ADAMTSL1: variants seen among roughly 807,000 people sequenced by gnomAD.
ADAMTSL1 encodes ADAMTS-like protein 1.
A neutral mutation model predicts 201.8 loss-of-function variants in ADAMTSL1; 126 were observed. That is an observed-to-expected ratio of 0.62 (90% confidence interval 0.54 to 0.72). ADAMTSL1 has a LOEUF of 0.72. Among genes scored for constraint, ADAMTSL1 ranks in the 30% least tolerant of loss-of-function variants. ADAMTSL1 has a pLI of 0.00. For synonymous variants in ADAMTSL1, 1,121 were observed against 903.4 expected (o/e 1.24, Z -4.32); for missense variants, 2,679 against 2,277.8 (o/e 1.18, Z -3.59).
In ADAMTSL1 at chr9:18,826,918, T is replaced by C. The variant is rs939990948; in HGVS notation, c.4114+455T>C. ...TTTTCATATAATTCCAGGAAGCTTATGGTCTGGTCCATCTAAAGTCTCCAC... is the reference window on the plus strand; with the variant it reads ...TTTTCATATAATTCCAGGAAGCTTACGGTCTGGTCCATCTAAAGTCTCCAC... On this transcript the variant is annotated intron_variant, in intron 22 of 28. Coordinates refer to ENST00000380548, the MANE Select transcript of ADAMTSL1 (RefSeq NM_001040272.6). Among the ~76,000 whole-genome samples the C allele has an allele frequency of 5.3e-5, 8 of 152,336 alleles. No homozygotes were observed. In the East Asian group the frequency reaches 7.7e-4, roughly 15 times the overall value.
intron 13 of ADAMTSL1, 43 bp from the exon 14 acceptor site, chr9:18,706,704 T>C (rs904643393): frequency 2.6e-6 from 4 of 1,528,564 alleles, no homozygotes; most frequent in African/African-American, 2.7e-5. Context: ...GCTTCCTGCC[T>C]GGGGCTTCTC....
At chr9:18,639,213 A>G (rs749852775) in intron 6 of ADAMTSL1, 41 bp from the exon 7 acceptor site, 206 of 1,605,798 alleles carry the variant, frequency 1.3e-4, no homozygotes, top group Non-Finnish European at 1.6e-4. Context: ...TGGTTGCCCT[A>G]GGAACATCTT....
intron 23 of ADAMTSL1, 54 bp from the exon 24 acceptor site, chr9:18,887,777 G>C (rs1828989279): frequency 1.3e-6 from 2 of 1,486,246 alleles, no homozygotes; most frequent in Non-Finnish European, 1.9e-6. Context: ...CAGTGCACCA[G>C]CAATGTGTTC....
chr9:18,087,888 G>C (rs1023083636), intron 1 of ADAMTSL1, among the ~76,000 whole-genome samples: 2 of 152,100 alleles, frequency 1.3e-5, no homozygotes, highest in African/African-American at 4.8e-5. Context: ...ATAGAAAGCA[G>C]TTGCCTATCT....
chr9:18,116,320 T>A (rs1256518338), intron 1 of ADAMTSL1, among the ~76,000 whole-genome samples: 2 of 152,184 alleles, frequency 1.3e-5, no homozygotes, highest in East Asian at 3.9e-4. Flanking sequence ...AAAGTCAGGA[T>A]GTGTAAGCAA....
intron 3 of ADAMTSL1, among the ~76,000 whole-genome samples, chr9:18,544,733 A>C (rs11791689): frequency 6.6e-6 from 1 of 152,314 alleles, no homozygotes; most frequent in Admixed American, 6.5e-5. Flanking sequence ...CTCAGTATGA[A>C]TAGGAATGCC....
intron 2 of ADAMTSL1, among the ~76,000 whole-genome samples, chr9:18,229,159 G>A (rs17788716): frequency 0.033 from 4,964 of 152,222 alleles, 120 homozygotes; most frequent in Non-Finnish European, 0.053. Context: ...TATTTTAGGA[G>A]GAGGTGAGCA....
At chr9:18,034,741 A>G (rs966758029) in intron 1 of ADAMTSL1, among the ~76,000 whole-genome samples, 17 of 152,186 alleles carry the variant, frequency 1.1e-4, no homozygotes, top group African/African-American at 3.4e-4. Context: ...AACTTGAACT[A>G]CTGCTACCAA....
intron 1 of ADAMTSL1, among the ~76,000 whole-genome samples, chr9:17,922,976 G>A (rs1171453943): frequency 6.6e-6 from 1 of 152,112 alleles, no homozygotes; most frequent in African/African-American, 2.4e-5. Context: ...CAGCTTCTGT[G>A]TGTTTTTTCT....
intron 2 of ADAMTSL1, among the ~76,000 whole-genome samples, chr9:18,260,198 G>A (rs1195206536): frequency 1.3e-5 from 2 of 152,162 alleles, no homozygotes; most frequent in Non-Finnish European, 2.9e-5. Flanking sequence ...TAAAAATGGG[G>A]ACTGGCCAAT....
chr9:18,294,688 G>A (rs1833404159), intron 2 of ADAMTSL1, among the ~76,000 whole-genome samples: 1 of 152,138 alleles, frequency 6.6e-6, no homozygotes, highest in Admixed American at 6.5e-5. Context: ...TCCAGAGGGG[G>A]CTCTGAACTG....
At chr9:18,106,976 C>G (rs1396514850) in intron 1 of ADAMTSL1, among the ~76,000 whole-genome samples, 1 of 152,138 alleles carries the variant, frequency 6.6e-6, no homozygotes, top group South Asian at 2.1e-4. Context: ...TATTGACTAA[C>G]AAAAATAGAC....
chr9:17,950,423 T>C (rs763183447), intron 1 of ADAMTSL1, among the ~76,000 whole-genome samples: 7 of 152,006 alleles, frequency 4.6e-5, no homozygotes, highest in African/African-American at 1.2e-4. Flanking sequence ...TCCCATCCTT[T>C]CCCAGAAGAA....
At chr9:18,874,418 T>A (rs1442997534) in intron 23 of ADAMTSL1, among the ~76,000 whole-genome samples, 4 of 152,144 alleles carry the variant, frequency 2.6e-5, no homozygotes, top group Non-Finnish European at 5.9e-5. Context: ...TAGTGTTGGC[T>A]GTGGATTTGT....
Position 18,332,394 on chromosome 9 carries a change from T to A in ADAMTSL1, c.207+168413T>A, listed in dbSNP as rs149082588. Among the ~76,000 whole-genome samples the A allele has an allele frequency of 1.1e-3, 160 of 152,294 alleles. 2 individuals carry two copies. In the East Asian group the frequency reaches 0.031, roughly 29 times the overall value. On this transcript the variant is annotated intron_variant, in intron 2 of 29. Transcript: ENST00000680146. ...GAAAAATTATCTGCATGCCCCATTT[T>A]ATCACATAGTTTGAGTTTTGCCTTC...
At chr9:18,669,410 T>C (rs1227054087) in intron 9 of ADAMTSL1, among the ~76,000 whole-genome samples, 1 of 152,226 alleles carries the variant, frequency 6.6e-6, no homozygotes, top group Non-Finnish European at 1.5e-5. Flanking sequence ...TTATTAAAAC[T>C]CTTCAGTATT....
intron 2 of ADAMTSL1, among the ~76,000 whole-genome samples, chr9:18,419,705 C>T (rs547477100): frequency 5.3e-5 from 8 of 150,666 alleles, no homozygotes; most frequent in African/African-American, 2.0e-4. Flanking sequence ...CAAAAAATTG[C>T]ACACTGTATA....
At chr9:18,150,883 G>C (rs898578756) in intron 1 of ADAMTSL1, among the ~76,000 whole-genome samples, 3 of 151,852 alleles carry the variant, frequency 2.0e-5, no homozygotes. Context: ...TGATTTTAGG[G>C]TATTCAAATC....
intron 2 of ADAMTSL1, among the ~76,000 whole-genome samples, chr9:18,348,689 A>T (rs1262109583): frequency 3.3e-5 from 5 of 152,156 alleles, no homozygotes; most frequent in African/African-American, 1.2e-4. Flanking sequence ...CAGATGCTTC[A>T]CCTGGGACCA....
Sources: allele counts gnomAD v4.1 joint callset (sites outside exome capture counted in the v4.1 genomes callset), GRCh38; gene constraint gnomAD v4.1.1; transcripts MANE v1.5; gene names NCBI Gene and HGNC (gene_info 2026-07-23, HGNC 2026-07-21).